CTNND2: variants seen among roughly 807,000 people sequenced by gnomAD.
CTNND2 encodes catenin delta-2.
Under a neutral mutation model 144.4 loss-of-function variants are expected in CTNND2, and 22 were observed. The ratio of observed to expected loss-of-function variants is 0.15; its 90% CI spans 0.11 to 0.22. The LOEUF (loss-of-function observed/expected upper bound fraction) is 0.22. Among genes scored for constraint, CTNND2 ranks in the 10% least tolerant of loss-of-function variants. CTNND2 has a pLI of 1.00. For synonymous variants in CTNND2, 751 were observed against 695.6 expected (o/e 1.08, Z -1.25); for missense variants, 1,353 against 1,618.8 (o/e 0.84, Z 2.82).
chr5:11,833,381 T>C (rs886984370), intron 1 of CTNND2, among the ~76,000 whole-genome samples: 2 of 152,142 alleles, frequency 1.3e-5, no homozygotes, highest in South Asian at 4.2e-4. Flanking sequence ...CAAAAGACTA[T>C]GTATAGCATG....
chr5:11,701,846 A>G (rs189235814), intron 2 of CTNND2, among the ~76,000 whole-genome samples: 2 of 152,312 alleles, frequency 1.3e-5, no homozygotes, highest in East Asian at 3.9e-4. Context: ...ATCACTGAAG[A>G]TAGGCTGAGT....
At chr5:11,498,080 T>C (rs1046144883) in intron 3 of CTNND2, among the ~76,000 whole-genome samples, 3 of 152,054 alleles carry the variant, frequency 2.0e-5, no homozygotes, top group African/African-American at 4.8e-5. Flanking sequence ...AACTGGCAAA[T>C]TGGAGGTCAG....
intron 2 of CTNND2, among the ~76,000 whole-genome samples, chr5:11,717,940 C>T (rs1338129015): frequency 6.6e-6 from 1 of 152,106 alleles, no homozygotes; most frequent in East Asian, 1.9e-4. Context: ...GCTATCAACA[C>T]CTTCTTAAAT....
intron 1 of CTNND2, among the ~76,000 whole-genome samples, chr5:11,828,774 T>C (rs1209840379): frequency 1.3e-5 from 2 of 152,118 alleles, no homozygotes; most frequent in South Asian, 2.1e-4. Context: ...AGTGGGGTGC[T>C]GTGAAAATGT....
intron 2 of CTNND2, among the ~76,000 whole-genome samples, chr5:11,690,765 A>G (rs1784872342): frequency 2.0e-5 from 3 of 147,994 alleles, no homozygotes; most frequent in Non-Finnish European, 3.0e-5. Flanking sequence ...AAAAAAAAAA[A>G]AAAAAAAAAG....
intron 2 of CTNND2, among the ~76,000 whole-genome samples, chr5:11,602,783 G>C (rs532451159): frequency 1.9e-4 from 27 of 143,340 alleles, no homozygotes; most frequent in African/African-American, 6.9e-4. Context: ...TAAATTAATA[G>C]ATATAAATAT....
rs988254476 is a variant in CTNND2 at position 11,902,850 on chromosome 5, T to C, written c.37+967A>G. On this transcript the variant is annotated intron_variant, in intron 1 of 21. Coordinates refer to ENST00000304623, the MANE Select transcript of CTNND2 (RefSeq NM_001332.4). ...TATCTCTCATCTCCCACACCCTTCA[T>C]ACCCCCACGGTTACAGCAAAATACA... is the stretch of plus-strand genomic sequence containing the variant. Among the ~76,000 whole-genome samples the C allele has an allele frequency of 6.6e-5, 10 of 151,900 alleles. 1 individual carries two copies. The highest frequency in any genetic ancestry group is 1.3e-4 in the Non-Finnish European group (9 of 68,006).
chr5:11,276,748 A>T (rs1465761308), intron 9 of CTNND2, among the ~76,000 whole-genome samples: 1 of 152,212 alleles, frequency 6.6e-6, no homozygotes. Flanking sequence ...AAATCCAATG[A>T]CTGGTGTCCT....
intron 20 of CTNND2, among the ~76,000 whole-genome samples, chr5:10,987,389 C>T (rs1268869039): frequency 6.6e-6 from 1 of 152,100 alleles, no homozygotes; most frequent in Non-Finnish European, 1.5e-5. Context: ...AGACAGATAC[C>T]CACTGTACCA....
intron 2 of CTNND2, among the ~76,000 whole-genome samples, chr5:11,655,503 T>A (rs1782864640): frequency 6.6e-6 from 1 of 152,068 alleles, no homozygotes; most frequent in Non-Finnish European, 1.5e-5. Context: ...AGAACAGGAT[T>A]GAAAAGAAAC....
At chr5:11,357,638 A>G (rs1005040963) in intron 8 of CTNND2, among the ~76,000 whole-genome samples, 2 of 152,140 alleles carry the variant, frequency 1.3e-5, no homozygotes, top group African/African-American at 4.8e-5. Context: ...GACTATAGTT[A>G]ACAGTAAAAT....
intron 12 of CTNND2, among the ~76,000 whole-genome samples, chr5:11,143,608 T>A (rs571793288): frequency 6.6e-6 from 1 of 152,356 alleles, no homozygotes; most frequent in South Asian, 2.1e-4. Context: ...AATGACTTCA[T>A]CTAAACTAAC....
chr5:11,487,759 A>G (rs1307911581), intron 3 of CTNND2, among the ~76,000 whole-genome samples: 3 of 152,218 alleles, frequency 2.0e-5, no homozygotes, highest in South Asian at 2.1e-4. Flanking sequence ...TGAAAATACT[A>G]TAATGTGTTA....
chr5:11,060,742 G>C (rs535518373), intron 16 of CTNND2, among the ~76,000 whole-genome samples: 1 of 152,270 alleles, frequency 6.6e-6, no homozygotes, highest in African/African-American at 2.4e-5. Context: ...AACATGTGTG[G>C]TCTTATAATT....
intron 9 of CTNND2, among the ~76,000 whole-genome samples, chr5:11,297,373 T>C (rs1749131581): frequency 6.6e-6 from 1 of 152,228 alleles, no homozygotes; most frequent in African/African-American, 2.4e-5. Context: ...CTTCTTGATA[T>C]ACTTCTAACA....
chr5:11,030,780 T>C, intron 16 of CTNND2, among the ~76,000 whole-genome samples: 1 of 150,730 alleles, frequency 6.6e-6, no homozygotes, highest in South Asian at 2.1e-4. Flanking sequence ...TTTTTTAGTT[T>C]GTTTGTTGTT....
At chr5:11,793,627 C>T (rs777076919) in intron 1 of CTNND2, among the ~76,000 whole-genome samples, 1 of 152,208 alleles carries the variant, frequency 6.6e-6, no homozygotes, top group Non-Finnish European at 1.5e-5. Context: ...CTACCAGAAG[C>T]TGGAGAGAGG....
intron 1 of CTNND2, among the ~76,000 whole-genome samples, chr5:11,735,984 T>C (rs971487795): frequency 1.3e-5 from 2 of 152,224 alleles, no homozygotes; most frequent in African/African-American, 2.4e-5. Context: ...GGGCCCATGC[T>C]AATTCAGGCT....
At chr5:11,672,742 T>A (rs1305922133) in intron 2 of CTNND2, among the ~76,000 whole-genome samples, 1 of 152,158 alleles carries the variant, frequency 6.6e-6, no homozygotes, top group Admixed American at 6.5e-5. Flanking sequence ...AGCCAGGTAC[T>A]GGAGGGAGTC....
Sources: gnomAD v4.1 joint callset for allele counts (sites outside exome capture counted in the v4.1 genomes callset) on GRCh38, gnomAD v4.1.1 for gene constraint, MANE v1.5 for transcripts, NCBI Gene and HGNC (gene_info 2026-07-23, HGNC 2026-07-21) for gene names.